The following ARC variants were observed in gnomAD, a reference collection of about 807,000 sequenced individuals.
ARC encodes activity-regulated cytoskeleton-associated protein.
ARC carries 10 observed loss-of-function variants against 20.0 expected under a neutral mutation model. The observed-to-expected ratio is 0.50, with a 90% CI of 0.31 to 0.85. ARC has a LOEUF of 0.85. ARC is among the 40% of genes least tolerant of loss of function. The probability of loss-of-function intolerance (pLI) is 0.05; values close to 1 mark genes in which losing one functional copy is unlikely to be tolerated. For synonymous variants in ARC, 269 were observed against 254.1 expected (o/e 1.06, Z -0.56); for missense variants, 454 against 555.5 (o/e 0.82, Z 1.84).
rs2132356845 is a variant in ARC, at chr8:142,614,110, G to A, written c.162C>T (p.Ser54=). The change falls in exon 1 of 3, where the codon TCC becomes TCT. Residue 54 remains serine (S), a synonymous_variant. Transcript: ENST00000356613. ...RTHRHLLAEV[S]KQVERELKGL... is the part of the protein sequence containing the mutation. The stretch of plus-strand genomic sequence containing the variant: ...CCTTCAGCTCGCGCTCCACCTGCTT[G>A]GACACCTCGGCCAGCAGGTGCCGGT... 1 of 1,593,100 alleles carries A rather than the reference G, an allele frequency of 6.3e-7. No individual in the cohort carries two copies. The highest frequency in any genetic ancestry group is 1.1e-5 in the South Asian group (1 of 89,728).
rs1445665845 is a variant in ARC at position 142,613,684 on chromosome 8, C to A, written c.588G>T (p.Pro196=). The stretch of plus-strand genomic sequence containing the variant: ...GCTGCCCGTCCTCGCCGGGGACCCA[C>A]GGCTGGTACTGCTGGGCCTCGGCGG... The part of the protein sequence containing the change: ...QEPAEAQQYQ[P]WVPGEDGQPS... Residue 196 remains proline, a synonymous_variant, in exon 1 of 3, where the codon CCG becomes CCT. Transcript: ENST00000356613. The A allele has an allele frequency of 6.4e-7, 1 of 1,570,356 alleles. No individual in the cohort carries two copies.
Position 142,613,169 on chromosome 8 carries a change from G to GGGCC in ARC, c.1099_1102dup (p.Pro368ArgfsTer9). ...CGCCTCATCCTCCACCGGGAGGTGG[G>GGGCC]GGCCGGCCGGCTCGGCCGCCTGCTC... On this transcript the variant is annotated frameshift_variant, in exon 1 of 3. Transcript: ENST00000356613. LOFTEE classifies it low-confidence loss of function (END_TRUNC). 1.9e-6 allele frequency: 3 copies of GGGCC among 1,608,792 alleles called. No individual in the cohort carries two copies. Among genetic ancestry groups the GGGCC allele is most frequent in the Admixed American group, 3.4e-5 (2 of 59,668 alleles).
In ARC at chr8:142,613,873, C is replaced by T. The variant is rs747301585; in HGVS notation, c.399G>A (p.Thr133=). 41 of 1,560,616 alleles carry T rather than the reference C, an allele frequency of 2.6e-5. No homozygotes were observed. Among genetic ancestry groups the T allele is most frequent in the East Asian group, 1.7e-4 (7 of 42,164 alleles). Residue 133 remains threonine (T), a synonymous_variant, in exon 1 of 3, where the codon ACG becomes ACA. Transcript: ENST00000356613. ...CGCTGCCCACCGGGTACTTGCCGCC[C>T]GTGGACTCCAGGCGGTCGGCCCAGC... ...LERWADRLES[T]GGKYPVGSES... is the part of the protein sequence containing the mutation.
At position 142,612,751 on chromosome 8, in the gene ARC, T is replaced by C. The variant is rs1447413446; in HGVS notation, c.*330A>G. 2 of 310,250 alleles carry C rather than the reference T, an allele frequency of 6.4e-6. No homozygotes were observed. Among genetic ancestry groups the C allele is most frequent in the African/African-American group, 4.2e-5 (2 of 47,334 alleles). 19.2% of individuals were successfully genotyped at this position (310,250 alleles called of 1,614,324 possible). ...CCCCTGCCATCCGGACACTTGGTTTTCTGGATGTCCAGAGGGCCTGGGTGT... is the reference window on the plus strand; with the variant it reads ...CCCCTGCCATCCGGACACTTGGTTTCCTGGATGTCCAGAGGGCCTGGGTGT... On this transcript the variant is annotated 3_prime_UTR_variant, in exon 1 of 3. Transcript: ENST00000356613.
Position 142,614,043 on chromosome 8 carries a change from C to T in ARC, c.229G>A (p.Gly77Ser), listed in dbSNP as rs764286977. 6.2e-7 allele frequency: 1 copy of T among 1,606,678 alleles called. No individual in the cohort carries two copies. The highest frequency in any genetic ancestry group is 1.1e-5 in the South Asian group (1 of 90,744). The change falls in exon 1 of 3, where the codon GGC (glycine) becomes AGC (serine). Residue 77 changes from glycine (G) to serine (S), a missense_variant. Transcript: ENST00000356613. Reference protein sequence around the residue: ...SVGKLESNLDGYVPTSDSQRW... With the variant: ...SVGKLESNLDSYVPTSDSQRW... ...TGCGAGTCGCTCGTGGGCACGTAGCCGTCCAGGTTGCTCTCCAGCTTCCCG... is the reference window on the plus strand; with the variant it reads ...TGCGAGTCGCTCGTGGGCACGTAGCTGTCCAGGTTGCTCTCCAGCTTCCCG...
chr8:142,612,800 G>T lies in ARC; in HGVS notation c.*281C>A. The T allele has an allele frequency of 2.3e-6, 1 of 434,492 alleles. No homozygotes were observed. Among genetic ancestry groups the T allele is most frequent in the Non-Finnish European group, 4.1e-6 (1 of 244,254 alleles). The allele number at this position is 434,492 out of a possible 1,614,324, so 26.9% of individuals were successfully genotyped here. On this transcript the variant is annotated 3_prime_UTR_variant, in exon 1 of 3. Transcript: ENST00000356613. ...GTTGTAGCAGAATGAGGAAGCTGGG[G>T]TGTTCTGTGATGGCCTGAGAGTGTG...
Position 142,614,300 on chromosome 8 carries a change from A to C in ARC, c.-29T>G. The C allele has an allele frequency of 7.2e-7, 1 of 1,380,650 alleles. No individual in the cohort carries two copies. Among genetic ancestry groups the C allele is most frequent in the Non-Finnish European group, 9.3e-7 (1 of 1,071,248 alleles). 85.5% of individuals were successfully genotyped at this position (1,380,650 alleles called of 1,614,324 possible). A position where few individuals can be genotyped will look rare whatever the true frequency, so the allele number is the denominator to read the frequency against. On this transcript the variant is annotated 5_prime_UTR_variant, in exon 1 of 3. Coordinates refer to ENST00000356613, the MANE Select transcript of ARC (RefSeq NM_015193.5). Reference sequence around the variant, plus strand: ...TGCGCAGGTGCTCCGGCAGGCGGCAAACTCCTCGGGGCGGACAGAGGGTGG... The same window carrying C: ...TGCGCAGGTGCTCCGGCAGGCGGCACACTCCTCGGGGCGGACAGAGGGTGG...
At position 142,613,215 on chromosome 8, in the gene ARC, T is replaced by C. The variant is rs1359107496; in HGVS notation, c.1057A>G (p.Met353Val). The change falls in exon 1 of 3, where the codon ATG becomes GTG. Residue 353 changes from methionine (M) to valine (V), a missense_variant. By Grantham distance (21) the Met-to-Val change is conservative. This residue lies in a region of ARC where 117 missense variants were observed against 194.4 expected (regional missense o/e 0.60). Coordinates refer to ENST00000356613, the MANE Select transcript of ARC (RefSeq NM_015193.5). ...TGCTCCAGGTCATCCTGCACCTCCA[T>C]GCCCCTCTGGATGAGCTGCTCCAGG... is the stretch of plus-strand genomic sequence containing the variant. ...KTLEQLIQRG[M>V]EVQDDLEQAA... 2 of 1,613,006 alleles carry C rather than the reference T, an allele frequency of 1.2e-6. No homozygotes were observed. The highest frequency in any genetic ancestry group is 1.7e-5 in the Admixed American group (1 of 60,010).
chr8:142,614,370 G>A lies in ARC; in HGVS notation c.-99C>T. 1 of 1,069,220 alleles carries A rather than the reference G, an allele frequency of 9.4e-7. No individual in the cohort carries two copies. The allele number at this position is 1,069,220 out of a possible 1,614,324, so 66.2% of individuals were successfully genotyped here. ...GGCCTGGGTCCCGTGCGGAGCTGCG[G>A]GGAGCGCCTGTCTGTCGCTGCGGGC... On this transcript the variant is annotated 5_prime_UTR_variant, in exon 1 of 3. Transcript: ENST00000356613.
chr8:142,613,221 T>G lies in ARC; in HGVS notation c.1051A>C (p.Arg351=). ...AGGTCATCCTGCACCTCCATGCCCC[T>G]CTGGATGAGCTGCTCCAGGGTCTTG... is the stretch of plus-strand genomic sequence containing the variant. ...LPKTLEQLIQ[R]GMEVQDDLEQ... The change falls in exon 1 of 3, where the codon AGG becomes CGG. Residue 351 remains arginine (R), a synonymous_variant. Coordinates refer to ENST00000356613, the MANE Select transcript of ARC (RefSeq NM_015193.5). The G allele has an allele frequency of 6.2e-7, 1 of 1,613,102 alleles. No homozygotes were observed. Among genetic ancestry groups the G allele is most frequent in the South Asian group, 1.1e-5 (1 of 91,076 alleles).
rs769495014 is a variant in ARC, at chr8:142,613,088, G to A, written c.1184C>T (p.Pro395Leu). 1 of 1,532,386 alleles carries A rather than the reference G, an allele frequency of 6.5e-7. No homozygotes were observed. Among genetic ancestry groups the A allele is most frequent in the Non-Finnish European group, 8.8e-7 (1 of 1,140,630 alleles). The allele number at this position is 1,532,386 out of a possible 1,614,324, so 94.9% of individuals were successfully genotyped here. A position where few individuals can be genotyped will look rare whatever the true frequency, so the allele number is the denominator to read the frequency against. The stretch of plus-strand genomic sequence containing the variant: ...GGGGCTCCGGGATGCCCTCTACTCG[G>A]GCTGGGTCCGGTCACTGGCCACGGA... ...SESVASDRTQ[P>L]E The change falls in exon 1 of 3, where the codon CCC becomes CTC. Residue 395 changes from proline to leucine, a missense_variant. Transcript: ENST00000356613.
rs761222694 is a variant in ARC, at chr8:142,613,177, C to G, written c.1095G>C (p.Pro365=). ...CCTCCACCGGGAGGTGGGGGCCGGC[C>G]GGCTCGGCCGCCTGCTCCAGGTCAT... The part of the protein sequence containing the change: ...VQDDLEQAAE[P]AGPHLPVEDE... Residue 365 remains proline, a synonymous_variant, in exon 1 of 3, where the codon CCG becomes CCC. Coordinates refer to ENST00000356613, the MANE Select transcript of ARC (RefSeq NM_015193.5). 2 of 1,609,176 alleles carry G rather than the reference C, an allele frequency of 1.2e-6. No homozygotes were observed. The highest frequency in any genetic ancestry group is 1.6e-4 in the Middle Eastern group (1 of 6,064).
Position 142,613,870 on chromosome 8 carries a change from G to A in ARC, c.402C>T (p.Gly134=), listed in dbSNP as rs1306281867. 4.2e-5 allele frequency: 65 copies of A among 1,556,734 alleles called. No individual in the cohort carries two copies. Among genetic ancestry groups the A allele is most frequent in the Non-Finnish European group, 5.3e-5 (61 of 1,156,772 alleles). The change falls in exon 1 of 3, where the codon GGC becomes GGT. Residue 134 remains glycine (G), a synonymous_variant. Coordinates refer to ENST00000356613, the MANE Select transcript of ARC (RefSeq NM_015193.5). ...ACTCGCTGCCCACCGGGTACTTGCC[G>A]CCCGTGGACTCCAGGCGGTCGGCCC... ...ERWADRLEST[G]GKYPVGSESA...
chr8:142,613,444 C>T lies in ARC; in HGVS notation c.828G>A (p.Glu276=), dbSNP rs758002181. The change falls in exon 1 of 3, where the codon GAG becomes GAA. Residue 276 remains glutamate, a synonymous_variant. Transcript: ENST00000356613. The part of the protein sequence containing the change: ...EFKKEFLQYS[E]GTLSREAIQR... ...GGATGGCCTCTCGGGACAGCGTGCC[C>T]TCGCTGTACTGCAGGAACTCCTTCT... 1 of 1,613,008 alleles carries T rather than the reference C, an allele frequency of 6.2e-7. No individual in the cohort carries two copies.
In ARC at chr8:142,612,742, A is replaced by C. The variant is rs1846265551; in HGVS notation, c.*339T>G. ...GGCCGCTGGCCCCTGCCATCCGGAC[A>C]CTTGGTTTTCTGGATGTCCAGAGGG... On this transcript the variant is annotated 3_prime_UTR_variant, in exon 1 of 3. Coordinates refer to ENST00000356613, the MANE Select transcript of ARC (RefSeq NM_015193.5). 1.1e-5 allele frequency: 3 copies of C among 284,864 alleles called. No individual in the cohort carries two copies. The highest frequency in any genetic ancestry group is 5.8e-5 in the East Asian group (1 of 17,178). The allele number at this position is 284,864 out of a possible 1,614,324, so 17.6% of individuals were successfully genotyped here.
chr8:142,613,941 G>A lies in ARC; in HGVS notation c.331C>T (p.Arg111Cys), dbSNP rs1343876488. 11 of 1,605,596 alleles carry A rather than the reference G, an allele frequency of 6.9e-6. No individual in the cohort carries two copies. Among genetic ancestry groups the A allele is most frequent in the African/African-American group, 2.7e-5 (2 of 74,830 alleles). The stretch of plus-strand genomic sequence containing the variant: ...ACCTCGCGCCACACGTGCATCTCGC[G>A]CTTGACCCAGCGCTCCAGGTTGGCG... The part of the protein sequence containing the change: ...TIANLERWVK[R>C]EMHVWREVFY... The change falls in exon 1 of 3, where the codon CGC becomes TGC. Residue 111 changes from arginine (R) to cysteine (C), a missense_variant. Physicochemically the swap from Arg to Cys is radical, Grantham distance 180 (BLOSUM62 -3). This residue lies in a region of ARC where 265 missense variants were observed against 301.7 expected (regional missense o/e 0.88). Transcript: ENST00000356613.
chr8:142,614,147 A>C lies in ARC; in HGVS notation c.125T>G (p.Val42Gly). ...CAGCAGGTGCCGGTGCGTCCGCCGC[A>C]CGTGCTCCAGCATCTCGGCCCGGCA... ...GKCRAEMLEH[V>G]RRTHRHLLAE... Residue 42 changes from valine (V) to glycine (G), a missense_variant, in exon 1 of 3, where the codon GTG becomes GGG. By Grantham distance (109) the Val-to-Gly change is moderately radical. Coordinates refer to ENST00000356613, the MANE Select transcript of ARC (RefSeq NM_015193.5). The C allele has an allele frequency of 6.3e-7, 1 of 1,583,536 alleles. No individual in the cohort carries two copies. The highest frequency in any genetic ancestry group is 8.6e-7 in the Non-Finnish European group (1 of 1,166,640).
In ARC at chr8:142,614,417, A is replaced by T. The variant is rs1160254382; in HGVS notation, c.-146T>A. The T allele has an allele frequency of 1.5e-6, 1 of 647,360 alleles. No homozygotes were observed. The highest frequency in any genetic ancestry group is 3.6e-5 in the East Asian group (1 of 27,952). 40.1% of individuals were successfully genotyped at this position (647,360 alleles called of 1,614,324 possible). ...GGGCCGGCGGCGGGGCCGGCGGAGC[A>T]CGCCCGGGGAGGCAGGTCCGGCTCG... is the stretch of plus-strand genomic sequence containing the variant. On this transcript the variant is annotated 5_prime_UTR_variant, in exon 1 of 3. Transcript: ENST00000356613.
chr8:142,614,428 G>T lies in ARC; in HGVS notation c.-157C>A. 1.8e-6 allele frequency: 1 copy of T among 556,528 alleles called. No individual in the cohort carries two copies. Among genetic ancestry groups the T allele is most frequent in the Non-Finnish European group, 2.7e-6 (1 of 374,582 alleles). The allele number at this position is 556,528 out of a possible 1,614,324, so 34.5% of individuals were successfully genotyped here. ...GGGGCCGGCGGAGCACGCCCGGGGA[G>T]GCAGGTCCGGCTCGGCTGCTGCGGA... On this transcript the variant is annotated 5_prime_UTR_variant, in exon 1 of 3. Transcript: ENST00000356613.
Sources: allele counts gnomAD v4.1 joint callset, GRCh38; gene constraint gnomAD v4.1.1; regional missense constraint gnomAD v4.1.1; transcripts MANE v1.5; gene names NCBI Gene and HGNC (gene_info 2026-07-23, HGNC 2026-07-21).